The following WHRN variants were observed in gnomAD, a reference collection of about 807,000 sequenced individuals.
WHRN encodes CASK-interacting protein CIP98.
WHRN carries 41 observed loss-of-function variants against 68.3 expected under a neutral mutation model. The ratio of observed to expected loss-of-function variants is 0.60; its 90% CI spans 0.47 to 0.78. The LOEUF is 0.78. Ranked by LOEUF, WHRN falls within the 30% of genes least tolerant of loss-of-function variation. The probability of loss-of-function intolerance (pLI) is 0.00; values close to 1 mark genes in which losing one functional copy is unlikely to be tolerated. For synonymous variants in WHRN, 560 were observed against 561.3 expected (o/e 1.00, Z 0.03); for missense variants, 1,243 against 1,244.7 (o/e 1.00, Z 0.02).
intron 1 of WHRN, among the ~76,000 whole-genome samples, 185 bp downstream of exon 1, chr9:114,503,999 G>C (rs1394059970): frequency 1.3e-5 from 2 of 151,306 alleles, no homozygotes; most frequent in Non-Finnish European, 2.9e-5. Flanking sequence ...GCAGAACTAC[G>C]TTCCCAGTGC....
At chr9:114,475,169 A>G (rs1484702039) in intron 2 of WHRN, among the ~76,000 whole-genome samples, 2 of 152,184 alleles carry the variant, frequency 1.3e-5, no homozygotes, top group Admixed American at 6.5e-5. Context: ...CAAAAAAATT[A>G]AAAGTAAGCA....
intron 3 of WHRN, among the ~76,000 whole-genome samples, chr9:114,463,873 T>A (rs908378589): frequency 2.0e-5 from 3 of 152,134 alleles, no homozygotes; most frequent in Non-Finnish European, 4.4e-5. Context: ...CTGGCCTGGT[T>A]ATGGGCACAG....
intron 7 of WHRN, among the ~76,000 whole-genome samples, chr9:114,413,740 C>A (rs1835621917): frequency 6.6e-6 from 1 of 152,186 alleles, no homozygotes; most frequent in Admixed American, 6.5e-5. Context: ...TTTCTACCAG[C>A]CTGTCTATTC....
chr9:114,460,425 C>T (rs1840151301), intron 3 of WHRN, among the ~76,000 whole-genome samples: 1 of 152,224 alleles, frequency 6.6e-6, no homozygotes, highest in Non-Finnish European at 1.5e-5. Context: ...TTCATAATAA[C>T]TGGTTAATAA....
intron 7 of WHRN, among the ~76,000 whole-genome samples, chr9:114,414,307 T>G (rs1835660501): frequency 6.6e-6 from 1 of 152,228 alleles, no homozygotes; most frequent in South Asian, 2.1e-4. Context: ...TGTCCTAAAG[T>G]AGCATGTTTT....
chr9:114,489,502 ACG>A (rs1491579575), intron 1 of WHRN, among the ~76,000 whole-genome samples: 9 of 2,102 alleles, frequency 4.3e-3, no homozygotes, highest in Non-Finnish European at 0.026. Flanking sequence ...ACACACACAC[ACG>A]CACACACGCG....
intron 1 of WHRN, among the ~76,000 whole-genome samples, chr9:114,493,180 T>C (rs927230765): frequency 4.0e-5 from 6 of 151,246 alleles, no homozygotes; most frequent in African/African-American, 1.5e-4. Flanking sequence ...TGAGACCTCA[T>C]CTCTACCAAA....
chr9:114,413,680 G>T (rs1365804642), intron 7 of WHRN, among the ~76,000 whole-genome samples: 1 of 152,204 alleles, frequency 6.6e-6, no homozygotes, highest in African/African-American at 2.4e-5. Flanking sequence ...GCACTGGCTG[G>T]TGTGGCTGAG....
intron 2 of WHRN, among the ~76,000 whole-genome samples, chr9:114,469,295 G>A (rs903136186): frequency 1.3e-5 from 2 of 151,986 alleles, no homozygotes; most frequent in African/African-American, 4.8e-5. Flanking sequence ...AGCCAGGCTG[G>A]AGTTCCATCT....
At chr9:114,483,354 G>T (rs1485730177) in intron 1 of WHRN, among the ~76,000 whole-genome samples, 1 of 152,152 alleles carries the variant, frequency 6.6e-6, no homozygotes, top group Non-Finnish European at 1.5e-5. Flanking sequence ...TGCAGGGAAG[G>T]GGAAGAGGAC....
Position 114,402,508 on chromosome 9 carries a change from C to T in WHRN, c.*246G>A. The T allele has an allele frequency of 1.7e-6, 1 of 572,526 alleles. No homozygotes were observed. The highest frequency in any genetic ancestry group is 2.0e-5 in the South Asian group (1 of 49,554). The allele number at this position is 572,526 out of a possible 1,614,324, so 35.5% of individuals were successfully genotyped here. A position where few individuals can be genotyped will look rare whatever the true frequency, so the allele number is the denominator to read the frequency against. On this transcript the variant is annotated 3_prime_UTR_variant, in exon 12 of 12. Coordinates refer to ENST00000362057, the MANE Select transcript of WHRN (RefSeq NM_015404.4). ...CTTTTCCTTTCTTCCTGTCTTGCAA[C>T]CCACTTGTCCTGGGCGCCTACTGTG...
chr9:114,427,332 A>G (rs762185409), intron 3 of WHRN, among the ~76,000 whole-genome samples: 2 of 152,216 alleles, frequency 1.3e-5, no homozygotes, highest in African/African-American at 2.4e-5. Context: ...ATAAAAACAA[A>G]TATGTGACAG....
At chr9:114,479,242 C>G (rs1029742624) in intron 1 of WHRN, among the ~76,000 whole-genome samples, 1 of 152,186 alleles carries the variant, frequency 6.6e-6, no homozygotes, top group Non-Finnish European at 1.5e-5. Context: ...TCTATGTCTA[C>G]CAGCCCCCAA....
chr9:114,477,673 G>C (rs1278601880), intron 2 of WHRN, among the ~76,000 whole-genome samples: 3 of 152,128 alleles, frequency 2.0e-5, no homozygotes, highest in Non-Finnish European at 4.4e-5. Context: ...CACTGAGAAC[G>C]GAATGGTGGA....
chr9:114,438,528 C>A (rs1464013639), intron 3 of WHRN, among the ~76,000 whole-genome samples: 1 of 150,246 alleles, frequency 6.7e-6, no homozygotes. Flanking sequence ...TCTTGGCTCA[C>A]TGCAAGCTCT....
At chr9:114,471,131 T>C (rs1307436659) in intron 2 of WHRN, among the ~76,000 whole-genome samples, 3 of 152,146 alleles carry the variant, frequency 2.0e-5, no homozygotes, top group African/African-American at 7.2e-5. Flanking sequence ...TGAATCGGAA[T>C]TCATCTATGG....
chr9:114,449,443 C>T (rs544575514), intron 3 of WHRN, among the ~76,000 whole-genome samples: 139 of 152,344 alleles, frequency 9.1e-4, no homozygotes, highest in Admixed American at 4.8e-3. Flanking sequence ...CTCTAATGGG[C>T]GTGCCCAGAG....
chr9:114,470,941 G>C (rs112632866), intron 2 of WHRN, among the ~76,000 whole-genome samples: 49 of 152,118 alleles, frequency 3.2e-4, no homozygotes, highest in African/African-American at 1.2e-3. Flanking sequence ...GCCCATGTCT[G>C]CAGCAGCCCA....
chr9:114,455,713 CA>C (rs34546424), intron 3 of WHRN, among the ~76,000 whole-genome samples: 45,186 of 122,870 alleles, frequency 0.37, 8,259 homozygotes, highest in East Asian at 0.54. Context: ...GACCCTGTCT[CA>C]AAAAAAAAAA....
Sources: allele counts gnomAD v4.1 joint callset (sites outside exome capture counted in the v4.1 genomes callset), GRCh38; gene constraint gnomAD v4.1.1; transcripts MANE v1.5; gene names NCBI Gene and HGNC (gene_info 2026-07-23, HGNC 2026-07-21).